The following PCDHA10 variants were observed in gnomAD, a reference collection of about 807,000 sequenced individuals.
PCDHA10 encodes the protein protocadherin alpha 10, also known as protocadherin alpha-10.
In PCDHA10, 45 loss-of-function variants were observed where a neutral mutation model predicts 61.2. That is an observed-to-expected ratio of 0.74 (90% CI 0.58 to 0.94). The LOEUF (loss-of-function observed/expected upper bound fraction) is 0.94, where lower values mean the gene tolerates loss of function less well. PCDHA10 is among the 40% of genes least tolerant of loss of function. PCDHA10 has a pLI of 0.00. For missense variants in PCDHA10, 1,278 were observed against 1,236.2 expected, an observed-to-expected ratio of 1.03 and a Z score of -0.51; for synonymous variants, 602 against 548.8, an observed-to-expected ratio of 1.10 and a Z score of -1.35.
intron 1 of PCDHA10, chr5:140,877,326 G>A: frequency 1.9e-6 from 3 of 1,613,964 alleles, no homozygotes. Flanking sequence ...CGGTCGGCGC[G>A]CACATCCCGT....
At chr5:140,907,773 G>C (rs2073598085) in intron 1 of PCDHA10, among the ~76,000 whole-genome samples, 1 of 152,200 alleles carries the variant, frequency 6.6e-6, no homozygotes, top group Admixed American at 6.5e-5. Flanking sequence ...GGTGATGACA[G>C]GGGTGGCTGG....
At chr5:140,898,062 T>G (rs2066502065) in intron 1 of PCDHA10, among the ~76,000 whole-genome samples, 1 of 152,110 alleles carries the variant, frequency 6.6e-6, no homozygotes, top group African/African-American at 2.4e-5. Flanking sequence ...TAAATTTGTT[T>G]GAGTTCATTG....
In PCDHA10 at chr5:140,893,407, C is replaced by T. The variant is rs782798159; in HGVS notation, c.2388+34971C>T. Among the ~76,000 whole-genome samples, 300 of 152,168 alleles carry T rather than the reference C, an allele frequency of 2.0e-3. 2 individuals are homozygous for T. The highest frequency in any genetic ancestry group is 3.7e-3 in the Non-Finnish European group (250 of 67,998). The stretch of plus-strand genomic sequence containing the variant: ...GTGGCTCATGCCTGTAATCCCAGCA[C>T]TTAGGGAGGCAGAGGCAGGAAGATC... On this transcript the variant is annotated intron_variant, in intron 1 of 3. Transcript: ENST00000307360.
intron 1 of PCDHA10, chr5:140,861,505 A>G: frequency 2.1e-6 from 1 of 482,692 alleles, no homozygotes; most frequent in African/African-American, 2.0e-5. Flanking sequence ...ATAGACCTCG[A>G]GGAGCTGTGT....
intron 1 of PCDHA10, among the ~76,000 whole-genome samples, chr5:140,937,761 A>C (rs868923892): frequency 6.6e-6 from 1 of 151,650 alleles, no homozygotes; most frequent in Non-Finnish European, 1.5e-5. Flanking sequence ...AAATACAAAA[A>C]ATTAGTCGGG....
chr5:140,863,399 A>G, intron 1 of PCDHA10: 2 of 871,986 alleles, frequency 2.3e-6, no homozygotes, highest in Non-Finnish European at 3.6e-6. Context: ...ATGCCGGGCA[A>G]GCCCACGCTG....
intron 1 of PCDHA10, chr5:140,870,717 T>C (rs782672690): frequency 4.3e-6 from 7 of 1,613,062 alleles, no homozygotes; most frequent in South Asian, 2.2e-5. Context: ...GCGCGCGCGA[T>C]GCGGGCGTGC....
chr5:140,949,714 T>A (rs2094416715), intron 1 of PCDHA10, among the ~76,000 whole-genome samples: 1 of 151,848 alleles, frequency 6.6e-6, no homozygotes, highest in South Asian at 2.1e-4. Flanking sequence ...TTTTACCCAT[T>A]TTGATAATAT....
At chr5:140,967,475 C>T (rs555659207) in intron 1 of PCDHA10, 1 of 1,613,342 alleles carries the variant, frequency 6.2e-7, no homozygotes, top group South Asian at 1.1e-5. Context: ...CATCCCAGCC[C>T]GCTCGGGTAC....
chr5:140,917,041 A>G (rs891465527), intron 1 of PCDHA10, among the ~76,000 whole-genome samples: 11 of 152,096 alleles, frequency 7.2e-5, no homozygotes, highest in Non-Finnish European at 1.6e-4. Flanking sequence ...AGTCCAGCAC[A>G]GTGTTGTTCC....
chr5:140,993,071 G>A (rs1301535845), intron 3 of PCDHA10, among the ~76,000 whole-genome samples: 9 of 152,222 alleles, frequency 5.9e-5, no homozygotes, highest in African/African-American at 2.2e-4. Flanking sequence ...TGTTCCTGCA[G>A]TCTGCAATCA....
At chr5:140,870,438 C>A in intron 1 of PCDHA10, 1 of 1,614,178 alleles carries the variant, frequency 6.2e-7, no homozygotes, top group Non-Finnish European at 8.5e-7. Context: ...TGGAGGTGGC[C>A]GACGTGAACG....
Position 140,856,686 on chromosome 5 carries a change from C to T in PCDHA10, c.638C>T (p.Ala213Val), listed in dbSNP as rs782337552. 1 of 1,597,202 alleles carries T rather than the reference C, an allele frequency of 6.3e-7. No individual in the cohort carries two copies. The highest frequency in any genetic ancestry group is 8.6e-7 in the Non-Finnish European group (1 of 1,166,876). Reference sequence around the variant, plus strand: ...CCTCAGCTAAAGTTGTTGTTGACAGCAACTGATGGAGGCAAACCTGAATTT... The same window carrying T: ...CCTCAGCTAAAGTTGTTGTTGACAGTAACTGATGGAGGCAAACCTGAATTT... ...ENPQLKLLLT[A>V]TDGGKPEFTG... The change falls in exon 1 of 4, where the codon GCA becomes GTA. Residue 213 changes from alanine to valine, a missense_variant. By Grantham distance (64) the Ala-to-Val change is moderately conservative. Transcript: ENST00000307360.
intron 1 of PCDHA10, among the ~76,000 whole-genome samples, chr5:140,954,491 T>C (rs1554221443): frequency 6.6e-6 from 1 of 152,264 alleles, no homozygotes; most frequent in Non-Finnish European, 1.5e-5. Flanking sequence ...TATTTCATTG[T>C]GGTTTTGATT....
At chr5:140,969,592 A>G (rs547411191) in intron 1 of PCDHA10, 72 of 829,536 alleles carry the variant, frequency 8.7e-5, no homozygotes, top group Middle Eastern at 3.7e-4. Context: ...TAGTCTTAAT[A>G]TTTAATGCTA....
chr5:140,869,613 CA>C (rs782134760), intron 1 of PCDHA10: 1 of 1,613,944 alleles, frequency 6.2e-7, no homozygotes. Flanking sequence ...TATTGACCTA[CA>C]GGCTAAGTAA....
chr5:140,869,244 C>A (rs782454826), intron 1 of PCDHA10: 1 of 1,613,658 alleles, frequency 6.2e-7, no homozygotes. Flanking sequence ...TCGTGGGCCG[C>A]ATCGCGCAGG....
At chr5:140,907,882 G>A (rs895415928) in intron 1 of PCDHA10, among the ~76,000 whole-genome samples, 1 of 152,168 alleles carries the variant, frequency 6.6e-6, no homozygotes, top group African/African-American at 2.4e-5. Flanking sequence ...GCACTCACAT[G>A]GGATACAAAT....
At chr5:140,945,722 A>G (rs2093833983) in intron 1 of PCDHA10, among the ~76,000 whole-genome samples, 1 of 152,110 alleles carries the variant, frequency 6.6e-6, no homozygotes, top group African/African-American at 2.4e-5. Context: ...TCAAGAATAT[A>G]CAATGGAAAA....
Sources: gnomAD v4.1 joint callset for allele counts (sites outside exome capture counted in the v4.1 genomes callset) on GRCh38, gnomAD v4.1.1 for gene constraint, MANE v1.5 for transcripts, NCBI Gene and HGNC (gene_info 2026-07-23, HGNC 2026-07-21) for gene names.